The following DMD variants were observed in gnomAD, a reference collection of about 807,000 sequenced individuals.
The protein encoded by DMD is dystrophin.
A neutral mutation model predicts 330.1 loss-of-function variants in DMD; 63 were observed. The ratio of observed to expected loss-of-function variants is 0.19; its 90% CI spans 0.16 to 0.24. The LOEUF is 0.24. Ranked by LOEUF, DMD falls within the 10% of genes least tolerant of loss-of-function variation. The pLI, the probability that DMD is intolerant of heterozygous loss-of-function variation, is 1.00. For synonymous variants in DMD, 1,223 were observed against 959.8 expected, an observed-to-expected ratio of 1.27 and a Z score of -5.07; for missense variants, 3,344 against 2,684.1, an observed-to-expected ratio of 1.25 and a Z score of -5.43.
intron 9 of DMD, among the ~76,000 whole-genome samples, chrX:32,682,629 C>T (rs979695367): frequency 9.0e-6 from 1 of 111,704 alleles, no homozygotes; most frequent in African/African-American, 3.3e-5. Flanking sequence ...AGAGCATGGC[C>T]ATGTTTTTAT....
At chrX:33,101,711 T>C (rs1235975661) in intron 1 of DMD, among the ~76,000 whole-genome samples, 1 of 112,381 alleles carries the variant, frequency 8.9e-6, no homozygotes, top group East Asian at 2.8e-4. Flanking sequence ...AATGTGATAG[T>C]GTGTGTTGAA....
At chrX:32,503,486 T>G (rs2044267987) in intron 18 of DMD, among the ~76,000 whole-genome samples, 1 of 112,429 alleles carries the variant, frequency 8.9e-6, no homozygotes, top group African/African-American at 3.2e-5. Context: ...GCTTATACAA[T>G]AATCCACATA....
intron 2 of DMD, among the ~76,000 whole-genome samples, chrX:32,850,218 T>G (rs1001319499): frequency 1.8e-5 from 2 of 111,708 alleles, no homozygotes; most frequent in African/African-American, 6.5e-5. Context: ...TTAACCATTC[T>G]TGGAATATAC....
intron 55 of DMD, among the ~76,000 whole-genome samples, chrX:31,572,000 G>A (rs893207308): frequency 2.7e-5 from 3 of 111,096 alleles, no homozygotes; most frequent in Non-Finnish European, 5.7e-5. Flanking sequence ...GCCGGGAGGA[G>A]AGAGAGGAGC....
chrX:32,656,140 GATGTGGC>G (rs1365062723), intron 9 of DMD, among the ~76,000 whole-genome samples: 1 of 111,896 alleles, frequency 8.9e-6, no homozygotes, highest in Non-Finnish European at 1.9e-5. Context: ...CTTGCAGTTA[GATGTGGC>G]ATGTAACCAA....
chrX:32,963,058 G>A (rs1439321931), intron 2 of DMD, among the ~76,000 whole-genome samples: 1 of 111,366 alleles, frequency 9.0e-6, no homozygotes. Context: ...GGAGGCCAAA[G>A]ACAATCATAC....
intron 7 of DMD, among the ~76,000 whole-genome samples, chrX:32,724,244 T>C (rs1009169683): frequency 9.0e-6 from 1 of 111,395 alleles, no homozygotes; most frequent in Non-Finnish European, 1.9e-5. Context: ...TAAATCAGAC[T>C]TTTTTGCTGA....
rs1569540031 is a variant in DMD, at chrX:32,076,086, AAGAGAG to A, written c.6439-107578_6439-107573del. Among the ~76,000 whole-genome samples the A allele has an allele frequency of 2.3e-3, 188 of 82,304 alleles. 1 individual carries two copies. The highest frequency in any genetic ancestry group is 8.6e-3 in the African/African-American group (181 of 20,929). The allele number at this position is 82,304 out of a possible 115,157, so 71.5% of individuals were successfully genotyped here. ...AAAAAAAAAAAAAAAAAAAAAAAAA[AAGAGAG>A]AGAGAGAGAGAGAGAAGTTATTTAG... On this transcript the variant is annotated intron_variant, in intron 44 of 78. Transcript: ENST00000357033.
At chrX:31,944,173 C>T (rs1039922682) in intron 45 of DMD, among the ~76,000 whole-genome samples, 2 of 111,170 alleles carry the variant, frequency 1.8e-5, no homozygotes, top group African/African-American at 6.6e-5. Flanking sequence ...TCTGTGAGGT[C>T]CAAATTATTT....
intron 52 of DMD, among the ~76,000 whole-genome samples, chrX:31,714,462 T>C (rs906615750): frequency 1.8e-5 from 2 of 111,862 alleles, no homozygotes; most frequent in Non-Finnish European, 3.8e-5. Flanking sequence ...CAAATCAGCA[T>C]TATTATATTA....
At chrX:31,140,743 G>C (rs2035937432) in intron 76 of DMD, among the ~76,000 whole-genome samples, 1 of 101,308 alleles carries the variant, frequency 9.9e-6, no homozygotes, top group South Asian at 4.9e-4. Context: ...TATTATGCTT[G>C]ATTTCTAAAA....
At chrX:31,381,361 A>G (rs2060169641) in intron 60 of DMD, among the ~76,000 whole-genome samples, 1 of 111,814 alleles carries the variant, frequency 8.9e-6, no homozygotes, top group South Asian at 3.7e-4. Flanking sequence ...TGCGTGCGGC[A>G]GCCGCCACCA....
intron 1 of DMD, among the ~76,000 whole-genome samples, chrX:33,296,352 T>C (rs1379984641): frequency 1.8e-5 from 2 of 111,120 alleles, no homozygotes; most frequent in Non-Finnish European, 3.8e-5. Context: ...ATTCTATAAA[T>C]TATAGCAGTT....
chrX:31,166,123 A>C (rs1485839951), intron 74 of DMD, among the ~76,000 whole-genome samples: 2 of 112,554 alleles, frequency 1.8e-5, no homozygotes, highest in Non-Finnish European at 3.7e-5. Context: ...AAGTGCATGC[A>C]TGTATGCTAC....
intron 44 of DMD, among the ~76,000 whole-genome samples, chrX:32,191,350 C>A (rs150095831): frequency 1.8e-5 from 2 of 112,042 alleles, no homozygotes; most frequent in African/African-American, 6.5e-5. Flanking sequence ...GATGACACAG[C>A]GTCGAGGCTT....
At chrX:32,593,512 C>A (rs2055170801) in intron 13 of DMD, among the ~76,000 whole-genome samples, 1 of 111,735 alleles carries the variant, frequency 8.9e-6, no homozygotes, top group African/African-American at 3.3e-5. Flanking sequence ...AATTAGCATT[C>A]TACTACAAAG....
intron 42 of DMD, among the ~76,000 whole-genome samples, chrX:32,293,494 T>C (rs759533675): frequency 2.7e-5 from 3 of 110,809 alleles, no homozygotes; most frequent in African/African-American, 6.6e-5. Context: ...GCTCGGGCAA[T>C]TTAGGAGGTC....
chrX:32,343,908 T>C (rs1249547430), intron 39 of DMD, among the ~76,000 whole-genome samples: 3 of 112,151 alleles, frequency 2.7e-5, no homozygotes, highest in Non-Finnish European at 5.6e-5. Flanking sequence ...AATAAAAAAT[T>C]ATGTGAGATA....
chrX:31,634,229 C>A (rs762581968), intron 54 of DMD, among the ~76,000 whole-genome samples: 3 of 112,093 alleles, frequency 2.7e-5, no homozygotes, highest in Admixed American at 1.9e-4. Context: ...AATAAAAATC[C>A]ATTTTTAATG....
Sources: gnomAD v4.1 joint callset for allele counts (sites outside exome capture counted in the v4.1 genomes callset) on GRCh38, gnomAD v4.1.1 for gene constraint, MANE v1.5 for transcripts, NCBI Gene and HGNC (gene_info 2026-07-23, HGNC 2026-07-21) for gene names.